ZPBP: variants seen among roughly 807,000 people sequenced by gnomAD.
ZPBP encodes the protein zona pellucida-binding protein 1.
ZPBP carries 26 observed loss-of-function variants against 44.8 expected under a neutral mutation model. The observed-to-expected ratio is 0.58, with a 90% CI of 0.43 to 0.81. The LOEUF is 0.81. Among genes scored for constraint, ZPBP ranks in the 30% least tolerant of loss-of-function variants. ZPBP has a pLI of 0.00. For synonymous variants in ZPBP, 174 were observed against 153.2 expected, an observed-to-expected ratio of 1.14 and a Z score of -1.00; for missense variants, 409 against 434.0, an observed-to-expected ratio of 0.94 and a Z score of 0.51.
chr7:49,879,064 A>G lies in ZPBP; in HGVS notation n.509+22054T>C, dbSNP rs544070473. Among the ~76,000 whole-genome samples the G allele has an allele frequency of 1.1e-4, 17 of 152,200 alleles. No individual in the cohort carries two copies. In the East Asian group the frequency reaches 2.7e-3, roughly 24 times the overall value. On this transcript the variant is annotated intron_variant and non_coding_transcript_variant, in intron 2 of 2. Coordinates refer to the ZPBP transcript ENST00000465922. ...CTCCACTCCACTGGATGTTTTCTTAATATCCGGCAGTTCATTCCCTCAATC... is the reference window on the plus strand; with the variant it reads ...CTCCACTCCACTGGATGTTTTCTTAGTATCCGGCAGTTCATTCCCTCAATC...
intron 2 of ZPBP, among the ~76,000 whole-genome samples, chr7:49,867,203 T>C (rs1790931454): frequency 6.6e-6 from 1 of 152,188 alleles, no homozygotes. Flanking sequence ...TCTAAAGAGA[T>C]CGAAACTTTG....
At chr7:49,982,398 A>G (rs199593274) in intron 7 of ZPBP, among the ~76,000 whole-genome samples, 2 of 139,382 alleles carry the variant, frequency 1.4e-5, no homozygotes, top group East Asian at 4.0e-4. Flanking sequence ...ACTGATTTTA[A>G]AAAGTTACAA....
intron 7 of ZPBP, among the ~76,000 whole-genome samples, chr7:49,968,215 T>A (rs2046299): frequency 6.6e-6 from 1 of 151,814 alleles, no homozygotes; most frequent in East Asian, 1.9e-4. Context: ...ATGTGTGTGA[T>A]CTCTAGACTA....
At chr7:49,943,743 G>A (rs920757384) in intron 7 of ZPBP, 5 of 247,774 alleles carry the variant, frequency 2.0e-5, no homozygotes, top group Admixed American at 5.1e-5. Context: ...TGACGGGAAC[G>A]GGTACCCATT....
intron 2 of ZPBP, among the ~76,000 whole-genome samples, chr7:49,887,001 TCAAGG>T (rs915150910): frequency 1.3e-5 from 2 of 152,186 alleles, no homozygotes; most frequent in African/African-American, 4.8e-5. Flanking sequence ...TTACCTATAT[TCAAGG>T]CAAATTTTAA....
chr7:49,940,771 A>C, intron 7 of ZPBP: 2 of 985,192 alleles, frequency 2.0e-6, no homozygotes, highest in Middle Eastern at 5.2e-4. Flanking sequence ...TACACAACTG[A>C]GAGAACAGAG....
chr7:49,925,454 C>G (rs542820941), intron 1 of ZPBP, among the ~76,000 whole-genome samples: 1 of 152,154 alleles, frequency 6.6e-6, no homozygotes, highest in Non-Finnish European at 1.5e-5. Flanking sequence ...AAGCAGGTGT[C>G]CATGCTATTG....
At chr7:49,853,986 T>C (rs1323096509) in intron 2 of ZPBP, among the ~76,000 whole-genome samples, 3 of 151,886 alleles carry the variant, frequency 2.0e-5, no homozygotes, top group East Asian at 3.9e-4. Context: ...GTCCCTGCGA[T>C]AGTTTGCTGA....
chr7:49,855,312 G>T (rs1397738615), intron 2 of ZPBP, among the ~76,000 whole-genome samples: 4 of 152,056 alleles, frequency 2.6e-5, no homozygotes, highest in Non-Finnish European at 5.9e-5. Flanking sequence ...GAAGTTTCAT[G>T]ATCTTCCTTA....
intron 3 of ZPBP, among the ~76,000 whole-genome samples, chr7:50,063,695 A>G (rs1048990923): frequency 6.6e-6 from 1 of 152,206 alleles, no homozygotes; most frequent in Non-Finnish European, 1.5e-5. Context: ...TTTCCATGAT[A>G]GCTCGGCCAT....
At chr7:50,023,405 C>T (rs7798067) in intron 5 of ZPBP, among the ~76,000 whole-genome samples, 76,509 of 151,734 alleles carry the variant, frequency 0.5, 20,049 homozygotes, top group East Asian at 0.67. Context: ...GAAAAAGTCT[C>T]CATATCACTC....
chr7:50,029,140 A>G (rs1799477916), intron 5 of ZPBP, among the ~76,000 whole-genome samples: 1 of 152,224 alleles, frequency 6.6e-6, no homozygotes, highest in South Asian at 2.1e-4. Context: ...ACAGAAATAC[A>G]GAACAATGAA....
At position 50,093,096 on chromosome 7, in the gene ZPBP, G is replaced by T. The variant is rs557554069; in HGVS notation, c.99C>A (p.Ser33=). ...ATGAGGGCACCCGCACCAGGAAGGC[G>T]GAGATAAAGAGGAGGATGGCGGCCC... ...LSRAAILLFI[S]AFLVRVPSSV... The change falls in exon 1 of 8, where the codon TCC becomes TCA. Residue 33 remains serine, a synonymous_variant. Coordinates refer to ENST00000046087, the MANE Select transcript of ZPBP (RefSeq NM_007009.3). The T allele has an allele frequency of 1.3e-6, 2 of 1,599,596 alleles. No homozygotes were observed. The highest frequency in any genetic ancestry group is 2.7e-5 in the African/African-American group (2 of 74,434).
chr7:50,057,878 A>T, intron 4 of ZPBP, 111 bp downstream of exon 4: 1 of 1,042,518 alleles, frequency 9.6e-7, no homozygotes, highest in African/African-American at 1.6e-5. Context: ...TTCTTTTTTA[A>T]TTAAATGAGA....
intron 3 of ZPBP, among the ~76,000 whole-genome samples, chr7:50,072,785 T>C (rs1173024741): frequency 6.6e-6 from 1 of 152,202 alleles, no homozygotes; most frequent in Non-Finnish European, 1.5e-5. Context: ...GAGCTTGAGG[T>C]GTCTCCTAAA....
rs866564487 is a variant in ZPBP, at chr7:50,031,169, G to A, written c.629C>T (p.Ser210Phe). The A allele has an allele frequency of 6.2e-7, 1 of 1,613,688 alleles. No homozygotes were observed. Among genetic ancestry groups the A allele is most frequent in the Non-Finnish European group, 8.5e-7 (1 of 1,179,830 alleles). The change falls in exon 5 of 8, where the codon TCC becomes TTC. Residue 210 changes from serine (S) to phenylalanine (F), a missense_variant. Ser to Phe is a radical substitution (Grantham distance 155, BLOSUM62 -2). Coordinates refer to ENST00000046087, the MANE Select transcript of ZPBP (RefSeq NM_007009.3). ...GCGATGGCATTCAGACTTAAGTAAG[G>A]AAATTTCACATGAAAGGTCAAGAAG... ...KLLLDLSCEI[S>F]LLKSECHRVK...
chr7:49,889,104 T>C (rs993292177), intron 2 of ZPBP, among the ~76,000 whole-genome samples: 1 of 152,200 alleles, frequency 6.6e-6, no homozygotes, highest in Non-Finnish European at 1.5e-5. Context: ...GGAATGCTCA[T>C]CTTTTGTTTC....
Position 50,093,124 on chromosome 7 carries a change from G to T in ZPBP, c.71C>A (p.Ser24Tyr). 1 of 1,572,582 alleles carries T rather than the reference G, an allele frequency of 6.4e-7. No homozygotes were observed. Among genetic ancestry groups the T allele is most frequent in the Non-Finnish European group, 8.6e-7 (1 of 1,160,622 alleles). ...GATAAAGAGGAGGATGGCGGCCCGAGAGAGCAGGGAGCCGGCGGCCCGGGT... is the reference window on the plus strand; with the variant it reads ...GATAAAGAGGAGGATGGCGGCCCGATAGAGCAGGGAGCCGGCGGCCCGGGT... ...RRTRAAGSLL[S>Y]RAAILLFISA... The change falls in exon 1 of 8, where the codon TCT (serine) becomes TAT (tyrosine). Residue 24 changes from serine to tyrosine, a missense_variant. This residue lies in a region of ZPBP where 367 missense variants were observed against 363.1 expected (regional missense o/e 1.01). Coordinates refer to ENST00000046087, the MANE Select transcript of ZPBP (RefSeq NM_007009.3).
intron 1 of ZPBP, among the ~76,000 whole-genome samples, chr7:49,926,602 G>C (rs1183588594): frequency 1.3e-5 from 2 of 152,220 alleles, no homozygotes; most frequent in African/African-American, 2.4e-5. Flanking sequence ...GGTGGGCAGT[G>C]AATGAATCGC....
Sources: allele counts gnomAD v4.1 joint callset (sites outside exome capture counted in the v4.1 genomes callset), GRCh38; gene constraint gnomAD v4.1.1; regional missense constraint gnomAD v4.1.1; transcripts MANE v1.5; gene names NCBI Gene and HGNC (gene_info 2026-07-23, HGNC 2026-07-21).